Variants in GDPD4 observed in about 807,000 individuals in gnomAD.
The protein encoded by GDPD4 is glycerophosphodiester phosphodiesterase domain containing 4.
A neutral mutation model predicts 67.8 loss-of-function variants in GDPD4; 60 were observed. The ratio of observed to expected loss-of-function variants is 0.88; its 90% CI spans 0.72 to 1.10. The LOEUF is 1.10. Ranked by LOEUF, GDPD4 falls within the 50% of genes least tolerant of loss-of-function variation. The probability of loss-of-function intolerance (pLI) is 0.00; values close to 1 mark genes in which losing one functional copy is unlikely to be tolerated. For synonymous variants in GDPD4, 212 were observed against 210.9 expected (o/e 1.00, Z -0.04); for missense variants, 623 against 613.9 (o/e 1.01, Z -0.16).
intron 3 of GDPD4, among the ~76,000 whole-genome samples, chr11:77,282,146 G>A (rs1959784371): frequency 6.6e-6 from 1 of 152,018 alleles, no homozygotes; most frequent in South Asian, 2.1e-4. Context: ...TGAAGTTAAG[G>A]TGTTTCAAGA....
intron 11 of GDPD4, among the ~76,000 whole-genome samples, chr11:77,257,632 T>C (rs1001454659): frequency 9.4e-5 from 14 of 148,402 alleles, no homozygotes; most frequent in African/African-American, 3.4e-4. Flanking sequence ...CACATCATCA[T>C]TACTGCCCTT....
At chr11:77,264,599 G>A (rs1186598070) in intron 10 of GDPD4, among the ~76,000 whole-genome samples, 1 of 152,104 alleles carries the variant, frequency 6.6e-6, no homozygotes, top group African/African-American at 2.4e-5. Flanking sequence ...AGATGAAAAT[G>A]AAAATTTACT....
intron 16 of GDPD4, among the ~76,000 whole-genome samples, chr11:77,225,232 T>G (rs571146164): frequency 1.4e-5 from 2 of 147,634 alleles, no homozygotes; most frequent in Admixed American, 6.8e-5. Flanking sequence ...AACTGGGAGG[T>G]GGAGGCTGCA....
chr11:77,242,935 T>TATCTATAG (rs11282443), intron 13 of GDPD4, among the ~76,000 whole-genome samples: 109,536 of 151,108 alleles, frequency 0.72, 40,995 homozygotes, highest in Middle Eastern at 0.83. Context: ...ATCTATAATC[T>TATCTATAG]ATTATAGATA....
At chr11:77,265,073 C>G (rs1959172110) in intron 10 of GDPD4, among the ~76,000 whole-genome samples, 1 of 152,128 alleles carries the variant, frequency 6.6e-6, no homozygotes, top group Admixed American at 6.6e-5. Context: ...CAATTTGTCT[C>G]TGCCCCCGCA....
At position 77,243,762 on chromosome 11, in the gene GDPD4, T is replaced by G; in HGVS notation, c.1173A>C (p.Glu391Asp). ...TACTGATATTGTTTTTAGCAAGGGT[T>G]TCAATGGATACTAAACGGCCCACAT... is the stretch of plus-strand genomic sequence containing the variant. ...FQHVGRLVSI[E>D]TLAKNNISII... Residue 391 changes from glutamate to aspartate, a missense_variant, in exon 13 of 17, where the codon GAA (glutamate) becomes GAC (aspartate). Coordinates refer to ENST00000315938, the MANE Select transcript of GDPD4 (RefSeq NM_182833.3). 1 of 1,612,370 alleles carries G rather than the reference T, an allele frequency of 6.2e-7. No individual in the cohort carries two copies. Among genetic ancestry groups the G allele is most frequent in the Non-Finnish European group, 8.5e-7 (1 of 1,178,386 alleles).
chr11:77,229,273 A>G (rs1958407934), intron 14 of GDPD4, 41 bp from the exon 15 acceptor site: 1 of 1,270,406 alleles, frequency 7.9e-7, no homozygotes, highest in Non-Finnish European at 1.1e-6. Context: ...TTACAGTTAG[A>G]AGGGATTTTG....
chr11:77,258,315 T>C (rs1959042726), intron 11 of GDPD4, 71 bp downstream of exon 11: 1 of 1,448,860 alleles, frequency 6.9e-7, no homozygotes, highest in South Asian at 1.2e-5. Context: ...ATGGCCTTTA[T>C]TTTCAGGAGC....
At chr11:77,254,162 T>C (rs978762507) in intron 11 of GDPD4, among the ~76,000 whole-genome samples, 3 of 152,162 alleles carry the variant, frequency 2.0e-5, no homozygotes, top group Non-Finnish European at 4.4e-5. Flanking sequence ...GGGAACACAG[T>C]TGTATGGCCT....
chr11:77,280,583 A>G (rs1959714115), intron 3 of GDPD4, among the ~76,000 whole-genome samples: 1 of 152,206 alleles, frequency 6.6e-6, no homozygotes, highest in Non-Finnish European at 1.5e-5. Context: ...TAATCATTTT[A>G]CTGGTCACAT....
rs150119332 is a variant in GDPD4 at position 77,250,867 on chromosome 11, C to T, written c.865-5365G>A. Among the ~76,000 whole-genome samples the T allele has an allele frequency of 7.0e-3, 1,060 of 152,220 alleles. 8 individuals are homozygous for T. The highest frequency in any genetic ancestry group is 0.011 in the Non-Finnish European group (753 of 67,968). On this transcript the variant is annotated intron_variant, in intron 11 of 16. Coordinates refer to ENST00000315938, the MANE Select transcript of GDPD4 (RefSeq NM_182833.3). ...AGTGCATGTATATTTATAATTGTTA[C>T]ATCTTCTTGGTGAATTGATCACTTT...
intron 5 of GDPD4, among the ~76,000 whole-genome samples, chr11:77,274,164 A>G (rs145083512): frequency 0.013 from 1,958 of 152,370 alleles, 16 homozygotes; most frequent in Middle Eastern, 0.017. Context: ...TTGGATATCA[A>G]TAAGGCCTAT....
intron 10 of GDPD4, among the ~76,000 whole-genome samples, chr11:77,260,195 T>A (rs1959085217): frequency 6.6e-6 from 1 of 152,010 alleles, no homozygotes; most frequent in Non-Finnish European, 1.5e-5. Flanking sequence ...TAGTCCCAGC[T>A]ACTCAAGTGG....
At position 77,235,009 on chromosome 11, in the gene GDPD4, G is replaced by GTTTTTTGTTTTTT. The variant is rs1958524952; in HGVS notation, c.1242-1838_1242-1837insAAAAAACAAAAAA. 4.4e-4 allele frequency among the ~76,000 whole-genome samples: 23 copies of GTTTTTTGTTTTTT among 52,254 alleles called. 1 individual carries two copies. The highest frequency in any genetic ancestry group is 1.5e-3 in the African/African-American group (23 of 15,828). The allele number at this position is 52,254 out of a possible 152,430, so 34.3% of individuals were successfully genotyped here. ...TCTCTCTGCAACCTTGTCAATATCT[G>GTTTTTTGTTTTTT]TTTTTTTTTTTTTTTTTTTTTTTTT... On this transcript the variant is annotated intron_variant, in intron 13 of 16. Coordinates refer to ENST00000315938, the MANE Select transcript of GDPD4 (RefSeq NM_182833.3).
chr11:77,262,031 G>A (rs1205955086), intron 10 of GDPD4, among the ~76,000 whole-genome samples: 2 of 152,194 alleles, frequency 1.3e-5, no homozygotes, highest in Non-Finnish European at 2.9e-5. Context: ...AGTTATGAGA[G>A]GTGTGTACCA....
At chr11:77,268,410 T>C (rs370624608) in intron 10 of GDPD4, 47 bp downstream of exon 10, 5 of 1,330,204 alleles carry the variant, frequency 3.8e-6, no homozygotes, top group South Asian at 1.2e-5. Context: ...TTGCATGGCA[T>C]TGAACTTATA....
intron 16 of GDPD4, among the ~76,000 whole-genome samples, chr11:77,221,443 A>G (rs1347032018): frequency 2.0e-5 from 3 of 149,216 alleles, no homozygotes; most frequent in South Asian, 2.1e-4. Flanking sequence ...CTTTTTTCTC[A>G]TTGGTTTCAA....
chr11:77,257,237 CA>C (rs1202057736), intron 11 of GDPD4, among the ~76,000 whole-genome samples: 1 of 152,148 alleles, frequency 6.6e-6, no homozygotes, highest in Non-Finnish European at 1.5e-5. Flanking sequence ...ATCAAAGTCT[CA>C]AATGAGTATA....
chr11:77,280,903 T>C (rs549538975), intron 3 of GDPD4, among the ~76,000 whole-genome samples: 3 of 152,348 alleles, frequency 2.0e-5, no homozygotes, highest in Non-Finnish European at 4.4e-5. Context: ...CAGTGGGAAC[T>C]GAAAAAGGAA....
Sources: gnomAD v4.1 joint callset for allele counts (sites outside exome capture counted in the v4.1 genomes callset) on GRCh38, gnomAD v4.1.1 for gene constraint, MANE v1.5 for transcripts, NCBI Gene and HGNC (gene_info 2026-07-23, HGNC 2026-07-21) for gene names.